Variants in TSHR observed in about 807,000 individuals in gnomAD.
TSHR encodes the protein thyrotropin receptor.
In TSHR, 51 loss-of-function variants were observed where a neutral mutation model predicts 64.1. The observed-to-expected ratio is 0.80, with a 90% confidence interval of 0.64 to 1.01. The LOEUF is 1.01. Ranked by LOEUF, TSHR falls within the 50% of genes least tolerant of loss-of-function variation. The probability of loss-of-function intolerance (pLI) is 0.00; values close to 1 mark genes in which losing one functional copy is unlikely to be tolerated. For missense variants in TSHR, 877 were observed against 942.8 expected, an observed-to-expected ratio of 0.93 and a Z score of 0.91; for synonymous variants, 361 against 361.9, an observed-to-expected ratio of 1.00 and a Z score of 0.03.
intron 8 of TSHR, among the ~76,000 whole-genome samples, chr14:81,120,385 A>C (rs1012026010): frequency 6.6e-6 from 1 of 152,048 alleles, no homozygotes; most frequent in Non-Finnish European, 1.5e-5. Flanking sequence ...CAGTGTACAG[A>C]TCTTTCACCT....
intron 1 of TSHR, among the ~76,000 whole-genome samples, chr14:81,029,400 T>C (rs916365125): frequency 1.3e-5 from 2 of 152,042 alleles, no homozygotes; most frequent in Non-Finnish European, 2.9e-5. Context: ...TCATATAGCA[T>C]GATAGTGAAG....
chr14:80,970,669 G>A (rs1887545960), intron 1 of TSHR, among the ~76,000 whole-genome samples: 1 of 152,188 alleles, frequency 6.6e-6, no homozygotes, highest in African/African-American at 2.4e-5. Context: ...GACTCTTGTA[G>A]GTCCTACCTG....
At chr14:80,983,636 G>A (rs546779194) in intron 1 of TSHR, 3 of 873,478 alleles carry the variant, frequency 3.4e-6, no homozygotes, top group Non-Finnish European at 1.8e-6. Flanking sequence ...TTGAAGCAAT[G>A]TAAAATGAGC....
chr14:81,083,411 C>T (rs1030396756), intron 3 of TSHR, among the ~76,000 whole-genome samples: 4 of 150,886 alleles, frequency 2.7e-5, no homozygotes, highest in African/African-American at 9.8e-5. Flanking sequence ...GAGAATTAGA[C>T]AATGAATATT....
chr14:81,117,200 A>G (rs1890557156), intron 8 of TSHR, among the ~76,000 whole-genome samples: 1 of 103,242 alleles, frequency 9.7e-6, no homozygotes, highest in Non-Finnish European at 1.8e-5. Context: ...AACTGAAGGA[A>G]ATAGAGACAC....
At chr14:81,035,242 T>C (rs2139830510) in intron 1 of TSHR, among the ~76,000 whole-genome samples, 2 of 152,320 alleles carry the variant, frequency 1.3e-5, no homozygotes, top group South Asian at 4.1e-4. Context: ...ATACACAGTT[T>C]ATCTGAAGTG....
chr14:81,062,225 T>A lies in TSHR; in HGVS notation c.242+6T>A. 1 of 1,604,988 alleles carries A rather than the reference T, an allele frequency of 6.2e-7. No homozygotes were observed. The highest frequency in any genetic ancestry group is 8.5e-7 in the Non-Finnish European group (1 of 1,173,354). On this transcript the variant is annotated splice_donor_region_variant and intron_variant, in intron 2 of 9. Coordinates refer to ENST00000298171, the MANE Select transcript of TSHR (RefSeq NM_000369.5). ...CTGCCCAATATTTCCAGAATGTAAG[T>A]TTTTTTAATATAAAGAAAAGTTTGC...
intron 1 of TSHR, among the ~76,000 whole-genome samples, chr14:80,957,466 C>CAA (rs11305793): frequency 3.5e-5 from 5 of 144,296 alleles, no homozygotes; most frequent in Non-Finnish European, 7.6e-5. Context: ...TCAGAAAAAA[C>CAA]AAAAAAAAAA....
chr14:81,001,810 A>G (rs1889336682), intron 1 of TSHR: 1 of 280,474 alleles, frequency 3.6e-6, no homozygotes, highest in African/African-American at 2.2e-5. Context: ...TTCACAGATC[A>G]CCTCAGGCCA....
intron 1 of TSHR, chr14:80,992,388 ACT>A (rs1032146339): frequency 1.9e-5 from 2 of 103,684 alleles, no homozygotes; most frequent in Admixed American, 1.3e-4. Context: ...CGACAGAGAG[ACT>A]CTATCTCAAA....
intron 3 of TSHR, among the ~76,000 whole-genome samples, chr14:81,085,243 T>G (rs990912604): frequency 6.6e-6 from 1 of 152,108 alleles, no homozygotes; most frequent in African/African-American, 2.4e-5. Context: ...CCTCCCAAAG[T>G]GCTTACAGGC....
At position 81,036,642 on chromosome 14, in the gene TSHR, G is replaced by GA. The variant is rs535929179; in HGVS notation, c.171-25499dup. Among the ~76,000 whole-genome samples the GA allele has an allele frequency of 2.7e-4, 41 of 152,006 alleles. 1 individual carries two copies. The South Asian group carries it at 8.3e-3, about 31-fold the overall frequency. ...GTATTAGGAAAATAATTACTAGTATGAAAAAAAGAAAGTATAATCTCATTG... is the reference window on the plus strand; with the variant it reads ...GTATTAGGAAAATAATTACTAGTATGAAAAAAAAGAAAGTATAATCTCATTG... On this transcript the variant is annotated intron_variant, in intron 1 of 9. Transcript: ENST00000298171.
At chr14:81,027,597 T>C (rs1884135495) in intron 1 of TSHR, among the ~76,000 whole-genome samples, 1 of 152,116 alleles carries the variant, frequency 6.6e-6, no homozygotes, top group Admixed American at 6.5e-5. Context: ...CTAAATTATA[T>C]ACCCAGACAC....
intron 7 of TSHR, among the ~76,000 whole-genome samples, chr14:81,099,053 A>G (rs542351623): frequency 1.6e-4 from 25 of 152,268 alleles, no homozygotes; most frequent in African/African-American, 5.5e-4. Flanking sequence ...CAGAGCAATA[A>G]TTCTCAACAT....
chr14:81,063,598 A>G (rs888852575), intron 2 of TSHR, among the ~76,000 whole-genome samples: 1 of 152,010 alleles, frequency 6.6e-6, no homozygotes, highest in Non-Finnish European at 1.5e-5. Flanking sequence ...ACAACTGCCT[A>G]TTTGGTGTCT....
rs147579816 is a variant in TSHR at position 81,006,458 on chromosome 14, C to T, written c.170+50608C>T. ...ACCAGTCAATTTGGATTAGGGCCCA[C>T]CCCAATGACCTCATTTTAACTAAAC... On this transcript the variant is annotated intron_variant, in intron 1 of 9. Coordinates refer to ENST00000298171, the MANE Select transcript of TSHR (RefSeq NM_000369.5). Among the ~76,000 whole-genome samples, 909 of 152,200 alleles carry T rather than the reference C, an allele frequency of 6.0e-3. 2 individuals are homozygous for T. Among genetic ancestry groups the T allele is most frequent in the Middle Eastern group, 0.014 (4 of 294 alleles).
intron 1 of TSHR, among the ~76,000 whole-genome samples, chr14:81,009,994 G>A (rs1053872272): frequency 6.6e-6 from 1 of 152,080 alleles, no homozygotes; most frequent in Non-Finnish European, 1.5e-5. Context: ...TCACTCCCGA[G>A]TAAATGAAAA....
At chr14:80,961,746 T>C (rs977810822) in intron 1 of TSHR, among the ~76,000 whole-genome samples, 2 of 152,336 alleles carry the variant, frequency 1.3e-5, no homozygotes, top group South Asian at 2.1e-4. Context: ...TAGTTCTTTA[T>C]TGAGTTTTCT....
intron 1 of TSHR, among the ~76,000 whole-genome samples, chr14:81,018,058 T>C (rs1883520479): frequency 6.6e-6 from 1 of 152,074 alleles, no homozygotes; most frequent in African/African-American, 2.4e-5. Flanking sequence ...CTCGAACTCC[T>C]GACCTCAAAT....
Sources: allele counts gnomAD v4.1 joint callset (sites outside exome capture counted in the v4.1 genomes callset), GRCh38; gene constraint gnomAD v4.1.1; transcripts MANE v1.5; gene names NCBI Gene and HGNC (gene_info 2026-07-23, HGNC 2026-07-21).